The following FGF14 variants were observed in gnomAD, a reference collection of about 807,000 sequenced individuals.
The protein encoded by FGF14 is fibroblast growth factor 14.
FGF14 carries 5 observed loss-of-function variants against 25.5 expected under a neutral mutation model. The observed-to-expected ratio is 0.20, with a 90% confidence interval of 0.10 to 0.41. FGF14 has a LOEUF of 0.41. Among genes scored for constraint, FGF14 ranks in the 10% least tolerant of loss-of-function variants. The pLI is 1.00. For synonymous variants in FGF14, 138 were observed against 118.3 expected (o/e 1.17, Z -1.08); for missense variants, 222 against 320.1 (o/e 0.69, Z 2.34).
chr13:102,001,458 AT>A (rs1391268864), intron 1 of FGF14, among the ~76,000 whole-genome samples: 3 of 152,100 alleles, frequency 2.0e-5, no homozygotes, highest in Non-Finnish European at 4.4e-5. Context: ...AAAATATAAT[AT>A]TTTTACTGGA....
upstream of FGF14, among the ~76,000 whole-genome samples, chr13:101,918,057 T>C (rs1275623855): frequency 5.3e-5 from 8 of 152,210 alleles, no homozygotes; most frequent in Non-Finnish European, 1.5e-5. Flanking sequence ...AGCAAAGCCA[T>C]CTGAACTGTG....
intron 1 of FGF14, among the ~76,000 whole-genome samples, chr13:102,181,804 A>G (rs2048685973): frequency 6.6e-6 from 1 of 152,134 alleles, no homozygotes; most frequent in South Asian, 2.1e-4. Context: ...AATCCCTTTT[A>G]CCATGTCAGG....
intron 1 of FGF14, among the ~76,000 whole-genome samples, chr13:102,199,785 A>G (rs1480900531): frequency 6.6e-6 from 1 of 152,076 alleles, no homozygotes; most frequent in Non-Finnish European, 1.5e-5. Flanking sequence ...CTTCGCATTC[A>G]CAATTTTCTT....
At chr13:101,899,894 A>T (rs1273154744) in intron 1 of FGF14, among the ~76,000 whole-genome samples, 2 of 152,112 alleles carry the variant, frequency 1.3e-5, no homozygotes, top group African/African-American at 2.4e-5. Flanking sequence ...TTGAACTACA[A>T]AATCAGTAGA....
chr13:102,335,668 A>C (rs1397165565), intron 1 of FGF14, among the ~76,000 whole-genome samples: 1 of 152,168 alleles, frequency 6.6e-6, no homozygotes, highest in African/African-American at 2.4e-5. Flanking sequence ...GGCATGACTC[A>C]TTTGACTGTG....
intron 1 of FGF14, among the ~76,000 whole-genome samples, chr13:102,254,053 C>G (rs778119199): frequency 6.6e-6 from 1 of 152,114 alleles, no homozygotes; most frequent in Non-Finnish European, 1.5e-5. Flanking sequence ...TAACACCACC[C>G]AAGGGTAGTA....
intron 3 of FGF14, among the ~76,000 whole-genome samples, chr13:101,807,218 G>A (rs986342040): frequency 1.3e-5 from 2 of 152,042 alleles, no homozygotes; most frequent in Admixed American, 6.6e-5. Context: ...ATCAGTTTCT[G>A]GACATAATCA....
intron 1 of FGF14, among the ~76,000 whole-genome samples, chr13:102,155,990 T>C (rs545150038): frequency 5.1e-4 from 78 of 152,124 alleles, no homozygotes; most frequent in Non-Finnish European, 8.8e-4. Context: ...AGACCAATAA[T>C]AGGCTCTGAA....
At chr13:101,894,430 A>G (rs960051425) in intron 1 of FGF14, among the ~76,000 whole-genome samples, 4 of 152,126 alleles carry the variant, frequency 2.6e-5, no homozygotes, top group Non-Finnish European at 5.9e-5. Flanking sequence ...TATTAGTCCA[A>G]TGAACTCCCC....
rs113204972 is a variant in FGF14 at position 102,342,290 on chromosome 13, C to G, written c.208+59181G>C. ...GTCTCCTGAATAGTCCCTACATTAA[C>G]GTGCTACTGGAATGATTCTCAAATA... On this transcript the variant is annotated intron_variant, in intron 1 of 4. Coordinates refer to the FGF14 transcript ENST00000376131. Among the ~76,000 whole-genome samples the G allele has an allele frequency of 2.9e-3, 449 of 152,206 alleles. 2 individuals are homozygous for G. The highest frequency in any genetic ancestry group is 0.01 in the African/African-American group (429 of 41,552).
chr13:102,012,825 C>T (rs1180474815), intron 1 of FGF14, among the ~76,000 whole-genome samples: 2 of 152,088 alleles, frequency 1.3e-5, no homozygotes, highest in African/African-American at 2.4e-5. Flanking sequence ...CCAGTACTGG[C>T]TCACATATGA....
At chr13:102,326,672 A>AGGGAGGGGAAGGGAG in intron 1 of FGF14, among the ~76,000 whole-genome samples, 1 of 60,222 alleles carries the variant, frequency 1.7e-5, no homozygotes, top group Non-Finnish European at 3.1e-5. Flanking sequence ...AGGGAGGGGA[A>AGGGAGGGGAAGGGAG]GGGAAGGGAA....
At chr13:102,398,919 T>C (rs2058641276) in intron 1 of FGF14, among the ~76,000 whole-genome samples, 1 of 149,192 alleles carries the variant, frequency 6.7e-6, no homozygotes, top group Admixed American at 6.7e-5. Flanking sequence ...TACTAAATGC[T>C]CCAACTCCCT....
In FGF14 at chr13:101,813,548, A is replaced by C. The variant is rs182823982; in HGVS notation, c.408+55177T>G. Among the ~76,000 whole-genome samples the C allele has an allele frequency of 2.0e-5, 3 of 152,308 alleles. No individual in the cohort carries two copies. In the East Asian group the frequency reaches 5.8e-4, roughly 29 times the overall value. ...TGAACTTCCCAGCCCCTAGAATGGC[A>C]AAAAGTAAATTTCCGTTCTTCATCT... On this transcript the variant is annotated intron_variant, in intron 3 of 4. Coordinates refer to ENST00000376143, the MANE Select transcript of FGF14 (RefSeq NM_004115.4).
At chr13:101,970,644 T>C (rs958679097) in intron 1 of FGF14, among the ~76,000 whole-genome samples, 1 of 152,126 alleles carries the variant, frequency 6.6e-6, no homozygotes, top group Non-Finnish European at 1.5e-5. Flanking sequence ...GTAAGGAAAG[T>C]TCCACCAGAA....
chr13:102,357,116 T>C (rs2057439396), intron 1 of FGF14, among the ~76,000 whole-genome samples: 2 of 68,360 alleles, frequency 2.9e-5, no homozygotes, highest in South Asian at 1.5e-3. Flanking sequence ...GCTACTTCCA[T>C]TATAATGTTT....
chr13:101,744,169 T>G (rs1272810778), intron 3 of FGF14, among the ~76,000 whole-genome samples: 1 of 152,162 alleles, frequency 6.6e-6, no homozygotes, highest in East Asian at 1.9e-4. Context: ...GCCTTTATGC[T>G]TTGATTGGGA....
intron 3 of FGF14, among the ~76,000 whole-genome samples, chr13:101,773,856 C>T (rs1472139975): frequency 1.4e-5 from 2 of 146,696 alleles, no homozygotes; most frequent in Non-Finnish European, 3.0e-5. Context: ...AAAATGTATT[C>T]CTCCCATACT....
intron 2 of FGF14, among the ~76,000 whole-genome samples, chr13:101,872,993 T>C (rs1224277380): frequency 6.6e-6 from 1 of 151,988 alleles, no homozygotes; most frequent in Non-Finnish European, 1.5e-5. Context: ...TCAAGATTCG[T>C]TCTGAGTTTT....
Sources: gnomAD v4.1 joint callset for allele counts (sites outside exome capture counted in the v4.1 genomes callset) on GRCh38, gnomAD v4.1.1 for gene constraint, MANE v1.5 for transcripts, NCBI Gene and HGNC (gene_info 2026-07-23, HGNC 2026-07-21) for gene names.